Variants in GTF3C5 observed in about 807,000 individuals in gnomAD.
GTF3C5 encodes general transcription factor IIIC subunit 5.
In GTF3C5, 47 loss-of-function variants were observed where a neutral mutation model predicts 61.0. The observed-to-expected ratio is 0.77, with a 90% CI of 0.61 to 0.98. The LOEUF is 0.98. GTF3C5 is among the 50% of genes least tolerant of loss of function. The pLI is 0.00. For synonymous variants in GTF3C5, 295 were observed against 275.4 expected, an observed-to-expected ratio of 1.07 and a Z score of -0.71; for missense variants, 659 against 703.3, an observed-to-expected ratio of 0.94 and a Z score of 0.71.
intron 3 of GTF3C5, among the ~76,000 whole-genome samples, chr9:133,046,986 A>T (rs1225591169): frequency 6.6e-6 from 1 of 152,130 alleles, no homozygotes; most frequent in East Asian, 1.9e-4. Flanking sequence ...CCGGAAAAGC[A>T]TTGCAGAAAG....
chr9:133,057,042 G>T (rs1829958995), intron 10 of GTF3C5, 134 bp downstream of exon 10: 1 of 857,634 alleles, frequency 1.2e-6, no homozygotes, highest in Non-Finnish European at 1.7e-6. Flanking sequence ...CTGGTGGGAG[G>T]AGGACATTGT....
chr9:133,037,176 C>T (rs751475245), intron 1 of GTF3C5, among the ~76,000 whole-genome samples: 5 of 152,080 alleles, frequency 3.3e-5, no homozygotes, highest in Admixed American at 6.5e-5. Flanking sequence ...AAAAATGTCT[C>T]GGCTGTCCTC....
intron 1 of GTF3C5, among the ~76,000 whole-genome samples, chr9:133,039,397 CTTTATT>C (rs1849971277): frequency 6.6e-6 from 1 of 152,070 alleles, no homozygotes; most frequent in Admixed American, 6.5e-5. Flanking sequence ...TTCTGTACTT[CTTTATT>C]TTTATTTTTT....
chr9:133,041,762 G>T (rs993401021), intron 1 of GTF3C5, among the ~76,000 whole-genome samples: 1 of 152,156 alleles, frequency 6.6e-6, no homozygotes, highest in Non-Finnish European at 1.5e-5. Flanking sequence ...ACCCTGTGGG[G>T]CTGGTCCCTA....
chr9:133,033,316 A>C (rs1002473374), intron 1 of GTF3C5, among the ~76,000 whole-genome samples: 1 of 152,120 alleles, frequency 6.6e-6, no homozygotes, highest in African/African-American at 2.4e-5. Flanking sequence ...ATGAAATGCC[A>C]GAGTGAAAGG....
intron 3 of GTF3C5, among the ~76,000 whole-genome samples, chr9:133,046,788 C>G (rs1430887398): frequency 6.6e-6 from 1 of 152,146 alleles, no homozygotes; most frequent in Non-Finnish European, 1.5e-5. Context: ...GAGCTGACAT[C>G]TGGAGCTGAG....
At chr9:133,031,852 TGGTGGGAAGGA>T in intron 1 of GTF3C5, among the ~76,000 whole-genome samples, 1 of 152,044 alleles carries the variant, frequency 6.6e-6, no homozygotes, top group Non-Finnish European at 1.5e-5. Context: ...TGAGTAGTTT[TGGTGGGAAGGA>T]TGGTTACAGA....
intron 1 of GTF3C5, among the ~76,000 whole-genome samples, chr9:133,032,026 G>C (rs1849748025): frequency 6.6e-6 from 1 of 152,036 alleles, no homozygotes; most frequent in Admixed American, 6.6e-5. Flanking sequence ...CTGACATATT[G>C]GTTCTTTGAA....
chr9:133,050,723 C>T, intron 3 of GTF3C5, 60 bp from the exon 4 acceptor site: 1 of 1,311,692 alleles, frequency 7.6e-7, no homozygotes, highest in Non-Finnish European at 1.1e-6. Context: ...CTGGTCTGGC[C>T]CAGCGGGTGC....
At chr9:133,040,702 T>G (rs1156736281) in intron 1 of GTF3C5, among the ~76,000 whole-genome samples, 1 of 152,176 alleles carries the variant, frequency 6.6e-6, no homozygotes, top group Non-Finnish European at 1.5e-5. Context: ...AGACCCTTTA[T>G]GGTGGGTAGT....
chr9:133,047,276 TGTTGCTTTTG>T (rs1366609605), intron 3 of GTF3C5, among the ~76,000 whole-genome samples: 1 of 152,136 alleles, frequency 6.6e-6, no homozygotes, highest in Non-Finnish European at 1.5e-5. Flanking sequence ...GGGCCACACA[TGTTGCTTTTG>T]GTTGCTGTCC....
intron 8 of GTF3C5, 149 bp downstream of exon 8, chr9:133,054,958 A>C (rs1238040567): frequency 6.4e-7 from 1 of 1,551,398 alleles, no homozygotes; most frequent in Non-Finnish European, 8.7e-7. Context: ...GCCTTCAGAC[A>C]CTGAGGGTGA....
chr9:133,050,317 G>A lies in GTF3C5; in HGVS notation c.573-466G>A, dbSNP rs78139296. ...GAATCGCATGTAAGCAGATGTGAGTGAGTGCAGCTCTTGTCCCTGTTTTGA... is the reference window on the plus strand; with the variant it reads ...GAATCGCATGTAAGCAGATGTGAGTAAGTGCAGCTCTTGTCCCTGTTTTGA... On this transcript the variant is annotated intron_variant, in intron 3 of 10. Coordinates refer to ENST00000372097, the MANE Select transcript of GTF3C5 (RefSeq NM_012087.4). Among the ~76,000 whole-genome samples the A allele has an allele frequency of 1.3e-3, 194 of 152,368 alleles. 1 individual carries two copies. The highest frequency in any genetic ancestry group is 1.1e-3 in the Non-Finnish European group (77 of 68,042).
chr9:133,057,905 A>G lies in GTF3C5; in HGVS notation c.1485A>G (p.Glu495=). 1.9e-6 allele frequency: 3 copies of G among 1,613,198 alleles called. No homozygotes were observed. Among genetic ancestry groups the G allele is most frequent in the South Asian group, 1.1e-5 (1 of 91,068 alleles). The change falls in exon 11 of 11, where the codon GAA becomes GAG. Residue 495 remains glutamate, a synonymous_variant. Coordinates refer to ENST00000372097, the MANE Select transcript of GTF3C5 (RefSeq NM_012087.4). ...GEDEEDEEEE[E]EEEEDFKPSD... ...ACGAGGAGGATGAGGAGGAGGAGGA[A>G]GAGGAGGAGGAGGACTTCAAGCCAT...
At position 133,037,527 on chromosome 9, in the gene GTF3C5, G is replaced by T. The variant is rs183287727; in HGVS notation, c.154-4560G>T. Among the ~76,000 whole-genome samples, 1,073 of 152,228 alleles carry T rather than the reference G, an allele frequency of 7.0e-3. 13 individuals are homozygous for T. Among genetic ancestry groups the T allele is most frequent in the African/African-American group, 0.022 (899 of 41,504 alleles). On this transcript the variant is annotated intron_variant, in intron 1 of 10. Coordinates refer to ENST00000372097, the MANE Select transcript of GTF3C5 (RefSeq NM_012087.4). ...TTTTAACTTTATATGTATGGTGGGG[G>T]GGTGGGACTTGGAGTCTTCCCCAAT... is the stretch of plus-strand genomic sequence containing the variant.
In GTF3C5 at chr9:133,058,204, A is replaced by T. The variant is rs1829997324; in HGVS notation, c.*224A>T. The T allele has an allele frequency of 7.5e-7, 1 of 1,330,372 alleles. No homozygotes were observed. Among genetic ancestry groups the T allele is most frequent in the Non-Finnish European group, 9.7e-7 (1 of 1,035,800 alleles). The allele number at this position is 1,330,372 out of a possible 1,614,324, so 82.4% of individuals were successfully genotyped here. On this transcript the variant is annotated 3_prime_UTR_variant, in exon 11 of 11. Coordinates refer to ENST00000372097, the MANE Select transcript of GTF3C5 (RefSeq NM_012087.4). ...GGGGTTAGGGACATCCCCAAAGGGT[A>T]TACCCTGGCTCTGCCACCCATGAAC...
upstream of GTF3C5, chr9:133,030,985 C>A (rs200212860): frequency 3.1e-6 from 5 of 1,611,632 alleles, no homozygotes; most frequent in East Asian, 1.1e-4. Context: ...GGGACGGACC[C>A]TGGCGGGCCC....
intron 3 of GTF3C5, 76 bp downstream of exon 3, chr9:133,044,002 G>A: frequency 9.4e-7 from 1 of 1,058,328 alleles, no homozygotes; most frequent in Non-Finnish European, 1.4e-6. Context: ...CTCACACACT[G>A]GGCGTGGTGG....
At chr9:133,032,938 C>T (rs1213159528) in intron 1 of GTF3C5, among the ~76,000 whole-genome samples, 1 of 152,196 alleles carries the variant, frequency 6.6e-6, no homozygotes, top group Admixed American at 6.5e-5. Flanking sequence ...AAAAGTACAA[C>T]ATTGGGTTCC....
Sources: gnomAD v4.1 joint callset for allele counts (sites outside exome capture counted in the v4.1 genomes callset) on GRCh38, gnomAD v4.1.1 for gene constraint, MANE v1.5 for transcripts, NCBI Gene and HGNC (gene_info 2026-07-23, HGNC 2026-07-21) for gene names.